TBC1D1: variants seen among roughly 807,000 people sequenced by gnomAD.
TBC1D1 encodes TBC1 (tre-2/USP6, BUB2, cdc16) domain family, member 1.
TBC1D1 carries 89 observed loss-of-function variants against 125.6 expected under a neutral mutation model. The observed-to-expected ratio is 0.71, with a 90% CI of 0.60 to 0.85. TBC1D1 has a LOEUF of 0.85. Ranked by LOEUF, TBC1D1 falls within the 40% of genes least tolerant of loss-of-function variation. The pLI is 0.00. For synonymous variants in TBC1D1, 565 were observed against 564.1 expected (o/e 1.00, Z -0.02); for missense variants, 1,377 against 1,469.2 (o/e 0.94, Z 1.03).
At chr4:37,905,253 A>T (rs1353378014) in intron 2 of TBC1D1, among the ~76,000 whole-genome samples, 1 of 152,254 alleles carries the variant, frequency 6.6e-6, no homozygotes, top group Non-Finnish European at 1.5e-5. Flanking sequence ...AAACACATAT[A>T]TACATAAGCT....
intron 2 of TBC1D1, among the ~76,000 whole-genome samples, chr4:37,944,815 C>T (rs1326911853): frequency 2.0e-5 from 3 of 152,208 alleles, no homozygotes; most frequent in African/African-American, 7.2e-5. Flanking sequence ...TGCTTCGGCT[C>T]ACACTCGGTG....
chr4:38,054,350 A>G lies in TBC1D1; in HGVS notation c.2050+12A>G. ...CAGCAGATATGAAGGTAAGGCCGGT[A>G]CCTGAAATGAAACCTCAAAGAGAGC... On this transcript the variant is annotated intron_variant, in intron 12 of 19. Coordinates refer to ENST00000261439, the MANE Select transcript of TBC1D1 (RefSeq NM_015173.4). 6.2e-7 allele frequency: 1 copy of G among 1,613,838 alleles called. No individual in the cohort carries two copies. The highest frequency in any genetic ancestry group is 2.2e-5 in the East Asian group (1 of 44,882).
intron 13 of TBC1D1, among the ~76,000 whole-genome samples, chr4:38,094,118 G>A (rs567259581): frequency 1.4e-4 from 22 of 152,246 alleles, no homozygotes; most frequent in African/African-American, 4.8e-4. Context: ...CAAGTGTGGG[G>A]GTCATTTAAT....
chr4:38,118,384 G>A lies in TBC1D1; in HGVS notation c.2962+192G>A, dbSNP rs1246062927. On this transcript the variant is annotated intron_variant, in intron 17 of 19. Transcript: ENST00000261439. ...GTCCTCCTTAACTTCTGATAATCAC[G>A]GGGCTTCCCTAGATGCCTTCATCTT... The A allele has an allele frequency of 4.6e-5, 26 of 561,042 alleles. No individual in the cohort carries two copies. The Middle Eastern group carries it at 1.4e-3, about 30-fold the overall frequency. The allele number at this position is 561,042 out of a possible 1,614,324, so 34.8% of individuals were successfully genotyped here.
At chr4:38,035,785 G>GAAAAT in intron 8 of TBC1D1, 87 bp downstream of exon 8, 1 of 972,424 alleles carries the variant, frequency 1.0e-6, no homozygotes, top group East Asian at 2.6e-5. Flanking sequence ...CTGAAACTCT[G>GAAAAT]ATACCTTTTT....
intron 18 of TBC1D1, among the ~76,000 whole-genome samples, chr4:38,127,210 AAAAAAC>A (rs1158178991): frequency 1.3e-5 from 2 of 152,074 alleles, no homozygotes; most frequent in African/African-American, 4.8e-5. Context: ...TATTTTCTGT[AAAAAAC>A]AAAAAATAAA....
intron 2 of TBC1D1, among the ~76,000 whole-genome samples, chr4:37,989,708 A>G (rs1380892635): frequency 6.6e-6 from 1 of 152,236 alleles, no homozygotes; most frequent in Non-Finnish European, 1.5e-5. Context: ...AACTTAGATC[A>G]GTTAAGGGGA....
In TBC1D1 at chr4:38,002,960, A is replaced by G. The variant is rs555686097; in HGVS notation, c.418-11549A>G. Among the ~76,000 whole-genome samples the G allele has an allele frequency of 2.0e-5, 3 of 152,350 alleles. No individual in the cohort carries two copies. In the East Asian group the frequency reaches 5.8e-4, roughly 29 times the overall value. On this transcript the variant is annotated intron_variant, in intron 2 of 19. Coordinates refer to ENST00000261439, the MANE Select transcript of TBC1D1 (RefSeq NM_015173.4). ...AACAGACCTGAAAACAGGAGATTCC[A>G]GTCTACCTGAGTCAGCATAGCAAGG...
chr4:37,980,748 A>G (rs1226187276), intron 2 of TBC1D1, among the ~76,000 whole-genome samples: 1 of 152,196 alleles, frequency 6.6e-6, no homozygotes, highest in Non-Finnish European at 1.5e-5. Context: ...TTAACTGTGT[A>G]TTTAATGTAT....
rs143776110 is a variant in TBC1D1, at chr4:38,138,741, C to T, written c.*1406C>T. On this transcript the variant is annotated 3_prime_UTR_variant, in exon 20 of 20. Transcript: ENST00000261439. ...TTTCTGATCTTTATCACTGTAACCACGTCTTCTATTCCATAGGAGTTTCTT... is the reference window on the plus strand; with the variant it reads ...TTTCTGATCTTTATCACTGTAACCATGTCTTCTATTCCATAGGAGTTTCTT... 6.6e-6 allele frequency: 1 copy of T among 152,560 alleles called. No individual in the cohort carries two copies. Among genetic ancestry groups the T allele is most frequent in the Non-Finnish European group, 1.5e-5 (1 of 68,020 alleles). 9.5% of individuals were successfully genotyped at this position (152,560 alleles called of 1,614,324 possible).
At chr4:38,056,301 C>T (rs1000155138) in intron 12 of TBC1D1, among the ~76,000 whole-genome samples, 4 of 152,286 alleles carry the variant, frequency 2.6e-5, no homozygotes, top group East Asian at 1.9e-4. Flanking sequence ...TCCTGTCCTC[C>T]GAAGAGCCTC....
At chr4:38,044,713 A>C (rs1318977846) in intron 9 of TBC1D1, among the ~76,000 whole-genome samples, 1 of 152,178 alleles carries the variant, frequency 6.6e-6, no homozygotes, top group Non-Finnish European at 1.5e-5. Flanking sequence ...ATTATATCCA[A>C]TGGGATTTTT....
At chr4:37,985,133 T>G (rs1735179395) in intron 2 of TBC1D1, among the ~76,000 whole-genome samples, 1 of 152,014 alleles carries the variant, frequency 6.6e-6, no homozygotes, top group Non-Finnish European at 1.5e-5. Context: ...TTTTGTATTT[T>G]TAGTAGAGAC....
chr4:37,974,089 A>T (rs1732570650), intron 2 of TBC1D1, among the ~76,000 whole-genome samples: 1 of 152,252 alleles, frequency 6.6e-6, no homozygotes, highest in Non-Finnish European at 1.5e-5. Context: ...ATGTGGTAAC[A>T]GGGAAAGATT....
At chr4:38,080,329 G>C (rs920933291) in intron 12 of TBC1D1, among the ~76,000 whole-genome samples, 1 of 152,190 alleles carries the variant, frequency 6.6e-6, no homozygotes, top group African/African-American at 2.4e-5. Context: ...GAGATCACAG[G>C]GTTAAGTGTG....
At chr4:37,955,623 C>T (rs377467755) in intron 2 of TBC1D1, among the ~76,000 whole-genome samples, 13 of 152,158 alleles carry the variant, frequency 8.5e-5, no homozygotes, top group South Asian at 4.1e-4. Context: ...TTACAATCCA[C>T]GGTTGGTTGA....
At chr4:38,099,348 T>C (rs1275419306) in intron 14 of TBC1D1, among the ~76,000 whole-genome samples, 1 of 152,198 alleles carries the variant, frequency 6.6e-6, no homozygotes, top group Non-Finnish European at 1.5e-5. Context: ...TGGTCTCCTG[T>C]ACTGTTGATA....
At chr4:38,059,558 A>G (rs1207184630) in intron 12 of TBC1D1, among the ~76,000 whole-genome samples, 1 of 132,804 alleles carries the variant, frequency 7.5e-6, no homozygotes, top group African/African-American at 3.2e-5. Context: ...AAACTATAGA[A>G]AGTGCATTCT....
chr4:37,998,145 T>C (rs1738222441), intron 2 of TBC1D1, among the ~76,000 whole-genome samples: 2 of 152,196 alleles, frequency 1.3e-5, no homozygotes, highest in South Asian at 4.1e-4. Context: ...GTATTGCCAC[T>C]GCCCTAGGTG....
Sources: allele counts gnomAD v4.1 joint callset (sites outside exome capture counted in the v4.1 genomes callset), GRCh38; gene constraint gnomAD v4.1.1; transcripts MANE v1.5; gene names NCBI Gene and HGNC (gene_info 2026-07-23, HGNC 2026-07-21).